SLC39A11: variants seen among roughly 807,000 people sequenced by gnomAD.
SLC39A11 encodes solute carrier family 39 member 11, also known as zinc transporter ZIP11.
Under a neutral mutation model 36.1 loss-of-function variants are expected in SLC39A11, and 33 were observed. The observed-to-expected ratio is 0.91, with a 90% CI of 0.69 to 1.22. SLC39A11 has a LOEUF of 1.22. Ranked by LOEUF, SLC39A11 falls within the 50% of genes most tolerant of loss-of-function variation. SLC39A11 has a pLI of 0.00. For synonymous variants in SLC39A11, 166 were observed against 170.3 expected (o/e 0.97, Z 0.20); for missense variants, 432 against 430.3 (o/e 1.00, Z -0.03).
intron 4 of SLC39A11, among the ~76,000 whole-genome samples, chr17:73,022,263 G>A (rs986973612): frequency 1.3e-5 from 2 of 152,208 alleles, no homozygotes; most frequent in Non-Finnish European, 2.9e-5. Context: ...GCACTTGCAG[G>A]CATCCACAGA....
intron 6 of SLC39A11, among the ~76,000 whole-genome samples, chr17:72,801,399 T>C (rs2077080543): frequency 6.6e-6 from 1 of 152,170 alleles, no homozygotes; most frequent in Non-Finnish European, 1.5e-5. Context: ...TTTTGTATTT[T>C]TTGTTTTAGT....
At chr17:72,856,264 G>A (rs1290423026) in intron 5 of SLC39A11, among the ~76,000 whole-genome samples, 1 of 152,078 alleles carries the variant, frequency 6.6e-6, no homozygotes, top group Non-Finnish European at 1.5e-5. Flanking sequence ...TTTATTTATG[G>A]GGCAAATGAC....
intron 6 of SLC39A11, among the ~76,000 whole-genome samples, chr17:72,737,275 CAAAAAAA>C (rs35677260): frequency 6.9e-6 from 1 of 145,112 alleles, no homozygotes; most frequent in African/African-American, 2.6e-5. Context: ...GACTCTGTCT[CAAAAAAA>C]AAAAAATAAA....
intron 7 of SLC39A11, among the ~76,000 whole-genome samples, chr17:72,713,464 C>G (rs780827671): frequency 6.6e-6 from 1 of 152,226 alleles, no homozygotes; most frequent in Non-Finnish European, 1.5e-5. Context: ...AGACAAACCA[C>G]ATTACCCTTA....
chr17:72,977,451 C>G (rs1389801415), intron 4 of SLC39A11, among the ~76,000 whole-genome samples: 1 of 152,126 alleles, frequency 6.6e-6, no homozygotes. Flanking sequence ...CATTTGTACA[C>G]AGCAAGAGAA....
At chr17:72,879,128 C>T (rs1399881908) in intron 5 of SLC39A11, among the ~76,000 whole-genome samples, 1 of 152,238 alleles carries the variant, frequency 6.6e-6, no homozygotes, top group Non-Finnish European at 1.5e-5. Flanking sequence ...GCACACTATC[C>T]TCCAGGAACC....
chr17:73,040,073 G>A (rs1260943218), intron 3 of SLC39A11, among the ~76,000 whole-genome samples: 3 of 152,162 alleles, frequency 2.0e-5, no homozygotes, highest in Non-Finnish European at 4.4e-5. Context: ...GAATGCAATC[G>A]ATCCCATAGC....
At chr17:72,876,169 C>A (rs1339753835) in intron 5 of SLC39A11, among the ~76,000 whole-genome samples, 1 of 152,124 alleles carries the variant, frequency 6.6e-6, no homozygotes, top group Admixed American at 6.6e-5. Context: ...GATTTTGGGA[C>A]ATAACCATGC....
intron 5 of SLC39A11, among the ~76,000 whole-genome samples, chr17:72,883,421 A>G (rs10512591): frequency 0.067 from 10,155 of 151,968 alleles, 342 homozygotes; most frequent in Middle Eastern, 0.12. Flanking sequence ...TTTATGACTG[A>G]ACCAGTTGAG....
chr17:72,731,410 C>T (rs769270933), intron 7 of SLC39A11, among the ~76,000 whole-genome samples: 6 of 152,076 alleles, frequency 3.9e-5, no homozygotes, highest in Non-Finnish European at 8.8e-5. Context: ...GGGGGTAGGA[C>T]GTGGTGGGAG....
At chr17:72,964,767 A>G (rs528651045) in intron 4 of SLC39A11, among the ~76,000 whole-genome samples, 17 of 152,354 alleles carry the variant, frequency 1.1e-4, no homozygotes, top group Non-Finnish European at 2.1e-4. Context: ...TACCCAAAGG[A>G]CTATAAATCA....
intron 4 of SLC39A11, among the ~76,000 whole-genome samples, chr17:72,992,322 C>T (rs1260054477): frequency 6.6e-6 from 1 of 152,138 alleles, no homozygotes; most frequent in Non-Finnish European, 1.5e-5. Context: ...CCATTGCACT[C>T]CAGCCAGGGT....
intron 5 of SLC39A11, among the ~76,000 whole-genome samples, chr17:72,852,998 T>C (rs1044381176): frequency 7.2e-6 from 1 of 138,730 alleles, no homozygotes; most frequent in Non-Finnish European, 1.6e-5. Flanking sequence ...ATCTCTTCTC[T>C]TGCAGACTTT....
At chr17:72,939,878 T>C (rs1340587157) in intron 5 of SLC39A11, among the ~76,000 whole-genome samples, 1 of 152,188 alleles carries the variant, frequency 6.6e-6, no homozygotes, top group Non-Finnish European at 1.5e-5. Flanking sequence ...TTTTCAGATT[T>C]TGGAATATTT....
chr17:73,081,632 TACAC>T (rs57284292), intron 3 of SLC39A11, among the ~76,000 whole-genome samples: 2,750 of 110,460 alleles, frequency 0.025, 80 homozygotes, highest in African/African-American at 0.065. Context: ...TATATATACA[TACAC>T]ACACACACAC....
intron 4 of SLC39A11, among the ~76,000 whole-genome samples, chr17:72,976,386 C>A (rs922317668): frequency 1.3e-5 from 2 of 152,088 alleles, no homozygotes; most frequent in Non-Finnish European, 2.9e-5. Context: ...ACATGGCAAA[C>A]AACAACTCAG....
chr17:72,858,412 T>A (rs1187784714), intron 5 of SLC39A11, among the ~76,000 whole-genome samples: 2 of 152,272 alleles, frequency 1.3e-5, no homozygotes, highest in Admixed American at 6.5e-5. Context: ...GGAAATGTGA[T>A]GCCTTCAGCT....
At chr17:72,752,893 T>C (rs1026178394) in intron 6 of SLC39A11, among the ~76,000 whole-genome samples, 2 of 152,216 alleles carry the variant, frequency 1.3e-5, no homozygotes, top group Admixed American at 6.5e-5. Context: ...TCTCACTCTG[T>C]GGCCCGGGCT....
intron 4 of SLC39A11, among the ~76,000 whole-genome samples, chr17:73,020,424 G>A (rs956706840): frequency 3.9e-5 from 6 of 152,168 alleles, no homozygotes; most frequent in African/African-American, 1.4e-4. Context: ...AACTGAATCT[G>A]CCAGCACCTT....
Sources: gnomAD v4.1 joint callset for allele counts (sites outside exome capture counted in the v4.1 genomes callset) on GRCh38, gnomAD v4.1.1 for gene constraint, MANE v1.5 for transcripts, NCBI Gene and HGNC (gene_info 2026-07-23, HGNC 2026-07-21) for gene names.